Variants in XKR7 observed in about 807,000 individuals in gnomAD.
The protein encoded by XKR7 is XK-related protein 7.
XKR7 carries 11 observed loss-of-function variants against 42.2 expected under a neutral mutation model. The observed-to-expected ratio is 0.26, with a 90% CI of 0.16 to 0.43. The LOEUF is 0.43. XKR7 is among the 20% of genes least tolerant of loss of function. The pLI, the probability that XKR7 is intolerant of heterozygous loss-of-function variation, is 1.00. For missense variants in XKR7, 710 were observed against 802.2 expected (o/e 0.89, Z 1.39); for synonymous variants, 346 against 366.4 (o/e 0.94, Z 0.64).
intron 1 of XKR7, among the ~76,000 whole-genome samples, chr20:31,980,915 T>C (rs2122260085): frequency 6.6e-6 from 1 of 151,758 alleles, no homozygotes; most frequent in East Asian, 1.9e-4. Context: ...TTTAAAAAAA[T>C]ATATCCTGGC....
chr20:31,990,010 T>C (rs1368752794), intron 1 of XKR7, among the ~76,000 whole-genome samples: 1 of 152,196 alleles, frequency 6.6e-6, no homozygotes, highest in Non-Finnish European at 1.5e-5. Flanking sequence ...GATCAGCTTC[T>C]TTCAACTTCA....
intron 1 of XKR7, among the ~76,000 whole-genome samples, chr20:31,974,668 T>G (rs960007310): frequency 6.6e-6 from 1 of 152,216 alleles, no homozygotes; most frequent in African/African-American, 2.4e-5. Flanking sequence ...TTGGATTCCA[T>G]CATTTTCAAA....
At chr20:31,993,912 G>A (rs765372703) in intron 1 of XKR7, among the ~76,000 whole-genome samples, 216 of 152,336 alleles carry the variant, frequency 1.4e-3, no homozygotes, top group Non-Finnish European at 6.8e-4. Context: ...GATGGGGTTA[G>A]GGGATAGGGC....
intron 1 of XKR7, among the ~76,000 whole-genome samples, chr20:31,986,659 A>C (rs1163230175): frequency 5.7e-5 from 8 of 139,776 alleles, no homozygotes; most frequent in African/African-American, 1.4e-4. Context: ...CAAACAGACC[A>C]AGCATCCAAG....
In XKR7 at chr20:32,002,876, A is replaced by G. The variant is rs1374497197; in HGVS notation, c.*5419A>G. ...GTCTGGGACCCCACGTTGGGAATCA[A>G]TGGTTTAGACATCCAGCATCCTATT... On this transcript the variant is annotated 3_prime_UTR_variant, in exon 3 of 3. Transcript: ENST00000562532. 6.6e-6 allele frequency: 1 copy of G among 152,124 alleles called. No individual in the cohort carries two copies. Among genetic ancestry groups the G allele is most frequent in the African/African-American group, 2.4e-5 (1 of 41,436 alleles). The allele number at this position is 152,124 out of a possible 1,614,324, so 9.4% of individuals were successfully genotyped here. A position where few individuals can be genotyped will look rare whatever the true frequency, so the allele number is the denominator to read the frequency against.
At chr20:31,973,909 G>A (rs1183411135) in intron 1 of XKR7, among the ~76,000 whole-genome samples, 2 of 152,046 alleles carry the variant, frequency 1.3e-5, no homozygotes, top group African/African-American at 4.8e-5. Context: ...GAATAGACTG[G>A]AGGGGCCGGG....
chr20:31,982,786 G>A (rs1479710188), intron 1 of XKR7, among the ~76,000 whole-genome samples: 1 of 152,194 alleles, frequency 6.6e-6, no homozygotes, highest in African/African-American at 2.4e-5. Flanking sequence ...CAGGTTCAAC[G>A]AGCACCAGGG....
chr20:31,990,207 T>C (rs2064564089), intron 1 of XKR7, among the ~76,000 whole-genome samples: 1 of 151,782 alleles, frequency 6.6e-6, no homozygotes, highest in Non-Finnish European at 1.5e-5. Flanking sequence ...TGTGTGTGTG[T>C]GTGTGTGGAA....
Position 31,997,630 on chromosome 20 carries a change from C to T in XKR7, c.*173C>T, listed in dbSNP as rs1247460750. 3.1e-6 allele frequency: 2 copies of T among 647,328 alleles called. No homozygotes were observed. Among genetic ancestry groups the T allele is most frequent in the Non-Finnish European group, 5.2e-6 (2 of 386,820 alleles). 40.1% of individuals were successfully genotyped at this position (647,328 alleles called of 1,614,324 possible). A position where few individuals can be genotyped will look rare whatever the true frequency, so the allele number is the denominator to read the frequency against. On this transcript the variant is annotated 3_prime_UTR_variant, in exon 3 of 3. Transcript: ENST00000562532. The stretch of plus-strand genomic sequence containing the variant: ...GGGAGGGGGCAGCCTTGCGGAGGCC[C>T]CAGCCCTGGGCCCCGTTTTCAGCCT...
intron 1 of XKR7, among the ~76,000 whole-genome samples, chr20:31,983,459 T>C (rs997197831): frequency 2.0e-5 from 3 of 151,928 alleles, no homozygotes; most frequent in African/African-American, 7.3e-5. Context: ...TGAGCTGAGA[T>C]GGGAGAATGA....
intron 1 of XKR7, among the ~76,000 whole-genome samples, chr20:31,972,529 T>C (rs2064469668): frequency 6.6e-6 from 1 of 152,126 alleles, no homozygotes; most frequent in South Asian, 2.1e-4. Flanking sequence ...CTGCCCAGGG[T>C]TCTTAAGCTA....
Position 31,995,245 on chromosome 20 carries a change from C to T in XKR7, c.762C>T (p.Arg254=). Residue 254 remains arginine (R), a synonymous_variant, in exon 2 of 3, where the codon CGC becomes CGT. Coordinates refer to ENST00000562532, the MANE Select transcript of XKR7 (RefSeq NM_001011718.2). This position sits in a 1 kb window ranked among gnomAD's most constrained non-coding sequence, Gnocchi z 4.1. ...TGCAGCTCAGCCTGCTGGTGCACCG[C>T]GGTGGCGCGCCCGACCTGCTGCCGG... ...LVLQLSLLVH[R]GGAPDLLPAL... 6.5e-7 allele frequency: 1 copy of T among 1,539,034 alleles called. No homozygotes were observed.
chr20:31,997,535 G>A lies in XKR7; in HGVS notation c.*78G>A, dbSNP rs947255416. ...GCAGTGTTGTGCCCCGAATTTCAGG[G>A]CCACCAGGCTAAGGGGGAGTGGATC... On this transcript the variant is annotated 3_prime_UTR_variant, in exon 3 of 3. Transcript: ENST00000562532. 2 of 1,351,670 alleles carry A rather than the reference G, an allele frequency of 1.5e-6. No homozygotes were observed. Among genetic ancestry groups the A allele is most frequent in the Non-Finnish European group, 1.0e-6 (1 of 1,000,488 alleles). 83.7% of individuals were successfully genotyped at this position (1,351,670 alleles called of 1,614,324 possible).
At chr20:31,969,668 T>A (rs2064455244) in intron 1 of XKR7, among the ~76,000 whole-genome samples, 1 of 152,208 alleles carries the variant, frequency 6.6e-6, no homozygotes, top group Non-Finnish European at 1.5e-5. Flanking sequence ...GCCGCCCTCC[T>A]CCTTCCAAGC....
At chr20:31,992,309 T>C (rs1180162745) in intron 1 of XKR7, among the ~76,000 whole-genome samples, 1 of 152,082 alleles carries the variant, frequency 6.6e-6, no homozygotes, top group African/African-American at 2.4e-5. Context: ...CATGAATGAA[T>C]CATTCTGGCT....
At chr20:31,980,585 ACT>A (rs2064507512) in intron 1 of XKR7, among the ~76,000 whole-genome samples, 1 of 151,718 alleles carries the variant, frequency 6.6e-6, no homozygotes, top group Non-Finnish European at 1.5e-5. Flanking sequence ...ATGGCTCTAG[ACT>A]CTATTCCCCT....
rs1366843651 is a variant in XKR7 at position 31,997,681 on chromosome 20, G to A, written c.*224G>A. The stretch of plus-strand genomic sequence containing the variant: ...TGTGGCCCATTCCCTAAATTCCCCT[G>A]ACCCAGGGCCTGGGGAATCATCTGG... On this transcript the variant is annotated 3_prime_UTR_variant, in exon 3 of 3. Coordinates refer to ENST00000562532, the MANE Select transcript of XKR7 (RefSeq NM_001011718.2). The A allele has an allele frequency of 2.9e-5, 16 of 551,844 alleles. No individual in the cohort carries two copies. The highest frequency in any genetic ancestry group is 4.2e-5 in the Non-Finnish European group (13 of 312,894). 34.2% of individuals were successfully genotyped at this position (551,844 alleles called of 1,614,324 possible). A position where few individuals can be genotyped will look rare whatever the true frequency, so the allele number is the denominator to read the frequency against.
chr20:31,997,412 T>C lies in XKR7; in HGVS notation c.1695T>C (p.Ser565=), dbSNP rs1181838951. ...SPATPRLQYR[S]VGTSQELLEY... is the part of the protein sequence containing the mutation. ...CCACGCCCCGGTTGCAGTACCGGAG[T>C]GTGGGGACTTCCCAGGAGCTGCTGG... Residue 565 remains serine, a synonymous_variant, in exon 3 of 3, where the codon AGT becomes AGC. Coordinates refer to ENST00000562532, the MANE Select transcript of XKR7 (RefSeq NM_001011718.2). 6.3e-7 allele frequency: 1 copy of C among 1,599,138 alleles called. No individual in the cohort carries two copies. The highest frequency in any genetic ancestry group is 2.2e-5 in the East Asian group (1 of 44,872).
At chr20:31,993,899 C>T (rs759740802) in intron 1 of XKR7, among the ~76,000 whole-genome samples, 12 of 152,072 alleles carry the variant, frequency 7.9e-5, no homozygotes, top group South Asian at 2.1e-4. Flanking sequence ...GGGTTGGGGC[C>T]GGGATGGGGT....
Sources: gnomAD v4.1 joint callset for allele counts (sites outside exome capture counted in the v4.1 genomes callset) on GRCh38, gnomAD v4.1.1 for gene constraint, Gnocchi (gnomAD v3.1) non-coding constraint, MANE v1.5 for transcripts, NCBI Gene and HGNC (gene_info 2026-07-23, HGNC 2026-07-21) for gene names.